RASGRP1: variants seen among roughly 807,000 people sequenced by gnomAD.
RASGRP1 encodes RAS guanyl-releasing protein 1.
In RASGRP1, 37 loss-of-function variants were observed where a neutral mutation model predicts 95.1. That is an observed-to-expected ratio of 0.39 (90% confidence interval 0.30 to 0.51). RASGRP1 has a LOEUF of 0.51. RASGRP1 is among the 20% of genes least tolerant of loss of function. The pLI is 0.80. For missense variants in RASGRP1, 711 were observed against 965.4 expected, an observed-to-expected ratio of 0.74 and a Z score of 3.49; for synonymous variants, 325 against 353.4, an observed-to-expected ratio of 0.92 and a Z score of 0.90.
intron 16 of RASGRP1, 62 bp downstream of exon 16, chr15:38,494,320 T>C (rs1890712022): frequency 6.3e-7 from 1 of 1,578,076 alleles, no homozygotes; most frequent in Non-Finnish European, 8.7e-7. Flanking sequence ...ACATGCTCTT[T>C]CCTGGTTTGG....
At chr15:38,506,635 CAAAAAAAAAAA>C (rs370153317) in intron 9 of RASGRP1, among the ~76,000 whole-genome samples, 2 of 71,620 alleles carry the variant, frequency 2.8e-5, no homozygotes, top group African/African-American at 1.0e-4. Flanking sequence ...ACCTTGTCTC[CAAAAAAAAAAA>C]AAAAAAAAAA....
chr15:38,537,395 A>C (rs1427044507), intron 2 of RASGRP1, among the ~76,000 whole-genome samples: 1 of 152,204 alleles, frequency 6.6e-6, no homozygotes, highest in African/African-American at 2.4e-5. Context: ...CACATGGTGA[A>C]AGCAGGAGCA....
At chr15:38,535,087 A>C (rs1483001567) in intron 2 of RASGRP1, among the ~76,000 whole-genome samples, 1 of 152,130 alleles carries the variant, frequency 6.6e-6, no homozygotes, top group Non-Finnish European at 1.5e-5. Context: ...ACTTGTGTTG[A>C]ACATTTGCAT....
intron 1 of RASGRP1, among the ~76,000 whole-genome samples, chr15:38,562,840 T>G (rs1893867768): frequency 6.6e-6 from 1 of 152,220 alleles, no homozygotes; most frequent in Non-Finnish European, 1.5e-5. Context: ...TAAAGTTTCC[T>G]AGTGTCACCA....
At chr15:38,519,401 C>T in intron 3 of RASGRP1, 30 bp from the exon 4 acceptor site, 1 of 1,471,792 alleles carries the variant, frequency 6.8e-7, no homozygotes, top group Non-Finnish European at 9.4e-7. Flanking sequence ...AAATGGAGAC[C>T]TCTGTTACAG....
chr15:38,511,798 C>G, intron 7 of RASGRP1, 78 bp from the exon 8 acceptor site: 1 of 1,087,176 alleles, frequency 9.2e-7, no homozygotes, highest in Non-Finnish European at 1.4e-6. Flanking sequence ...TGCCTCTTGT[C>G]TCTGTGCCGT....
chr15:38,497,260 C>T (rs1440929275), intron 15 of RASGRP1, among the ~76,000 whole-genome samples: 2 of 152,138 alleles, frequency 1.3e-5, no homozygotes, highest in African/African-American at 4.8e-5. Flanking sequence ...CCAACCGTCC[C>T]CAACAAGCCC....
At chr15:38,541,566 T>A in intron 2 of RASGRP1, among the ~76,000 whole-genome samples, 1 of 152,182 alleles carries the variant, frequency 6.6e-6, no homozygotes, top group East Asian at 1.9e-4. Context: ...CACTCCAGAC[T>A]GGGTGATAGA....
chr15:38,509,240 C>G (rs988029550), intron 8 of RASGRP1, among the ~76,000 whole-genome samples: 1 of 152,162 alleles, frequency 6.6e-6, no homozygotes, highest in Non-Finnish European at 1.5e-5. Context: ...AAATTGCCAA[C>G]ATCATTACTC....
intron 16 of RASGRP1, among the ~76,000 whole-genome samples, chr15:38,491,240 G>T (rs536675603): frequency 3.3e-5 from 5 of 152,228 alleles, no homozygotes; most frequent in South Asian, 2.1e-4. Context: ...TGAGTCCAGT[G>T]TTCTTATGTT....
intron 7 of RASGRP1, 118 bp downstream of exon 7, chr15:38,512,665 C>T: frequency 1.6e-6 from 2 of 1,240,942 alleles, no homozygotes; most frequent in Middle Eastern, 1.9e-4. Flanking sequence ...ACCTCTCCAC[C>T]CCCTCGCCAT....
chr15:38,554,559 G>T (rs1351429844), intron 2 of RASGRP1, among the ~76,000 whole-genome samples: 1 of 152,158 alleles, frequency 6.6e-6, no homozygotes, highest in Admixed American at 6.5e-5. Flanking sequence ...GAATGAAGGG[G>T]ATTTCCCATC....
chr15:38,544,842 T>G (rs972357346), intron 2 of RASGRP1, among the ~76,000 whole-genome samples: 1 of 152,248 alleles, frequency 6.6e-6, no homozygotes, highest in Non-Finnish European at 1.5e-5. Flanking sequence ...TGAGTTAACC[T>G]CACATCTTTT....
At chr15:38,542,908 CATAT>C (rs1200975891) in intron 2 of RASGRP1, among the ~76,000 whole-genome samples, 1 of 138,986 alleles carries the variant, frequency 7.2e-6, no homozygotes, top group Non-Finnish European at 1.5e-5. Flanking sequence ...TATATATACA[CATAT>C]ATATGTGTGT....
chr15:38,493,624 T>C (rs946690437), intron 16 of RASGRP1, among the ~76,000 whole-genome samples: 3 of 152,240 alleles, frequency 2.0e-5, no homozygotes, highest in African/African-American at 4.8e-5. Flanking sequence ...GAGCCTAACA[T>C]TGAAAAGCAG....
intron 10 of RASGRP1, 161 bp from the exon 11 acceptor site, chr15:38,503,537 A>G: frequency 1.5e-6 from 1 of 652,094 alleles, no homozygotes; most frequent in South Asian, 1.9e-5. Flanking sequence ...ATCTCTACTA[A>G]TAATTTTGGC....
chr15:38,562,285 A>T (rs1893839280), intron 1 of RASGRP1, among the ~76,000 whole-genome samples: 1 of 152,214 alleles, frequency 6.6e-6, no homozygotes, highest in Admixed American at 6.5e-5. Flanking sequence ...AGGCCCTCAG[A>T]ACTGTCCTCA....
At chr15:38,520,378 T>C (rs577632826) in intron 3 of RASGRP1, among the ~76,000 whole-genome samples, 1 of 152,226 alleles carries the variant, frequency 6.6e-6, no homozygotes, top group Non-Finnish European at 1.5e-5. Context: ...TGGGTGTATA[T>C]ATTTTAACCT....
chr15:38,527,784 A>G (rs566067506), intron 2 of RASGRP1, among the ~76,000 whole-genome samples: 4 of 152,088 alleles, frequency 2.6e-5, no homozygotes, highest in Non-Finnish European at 5.9e-5. Flanking sequence ...GACGATCTAA[A>G]GTCATATCTC....
Sources: allele counts gnomAD v4.1 joint callset (sites outside exome capture counted in the v4.1 genomes callset), GRCh38; gene constraint gnomAD v4.1.1; transcripts MANE v1.5; gene names NCBI Gene and HGNC (gene_info 2026-07-23, HGNC 2026-07-21).